The following CCDC15 variants were observed in gnomAD, a reference collection of about 807,000 sequenced individuals.
CCDC15 encodes coiled-coil domain-containing protein 15.
CCDC15 carries 105 observed loss-of-function variants against 114.5 expected under a neutral mutation model. The observed-to-expected ratio is 0.92, with a 90% CI of 0.78 to 1.08. The LOEUF (loss-of-function observed/expected upper bound fraction) is 1.08. Among genes scored for constraint, CCDC15 ranks in the 50% least tolerant of loss-of-function variants. The probability of loss-of-function intolerance (pLI) is 0.00; values close to 1 mark genes in which losing one functional copy is unlikely to be tolerated. For synonymous variants in CCDC15, 334 were observed against 377.8 expected, an observed-to-expected ratio of 0.88 and a Z score of 1.34; for missense variants, 1,105 against 1,093.6, an observed-to-expected ratio of 1.01 and a Z score of -0.15.
At chr11:124,979,247 T>A (rs1370223557) in intron 6 of CCDC15, among the ~76,000 whole-genome samples, 1 of 152,242 alleles carries the variant, frequency 6.6e-6, no homozygotes, top group Non-Finnish European at 1.5e-5. Flanking sequence ...CTTTGCTCTT[T>A]TTCTTAGAAT....
intron 12 of CCDC15, 31 bp from the exon 13 acceptor site, chr11:125,005,078 A>G: frequency 2.0e-6 from 2 of 986,510 alleles, no homozygotes; most frequent in Non-Finnish European, 1.5e-6. Context: ...CTGAAAGCAG[A>G]ATCTTAGTAA....
At chr11:124,974,224 G>A (rs1206141240) in intron 4 of CCDC15, among the ~76,000 whole-genome samples, 2 of 152,052 alleles carry the variant, frequency 1.3e-5, no homozygotes, top group Non-Finnish European at 2.9e-5. Context: ...CAGGTGATCC[G>A]CCTGCCTTGG....
At chr11:125,008,190 C>T (rs1046066232) in intron 13 of CCDC15, among the ~76,000 whole-genome samples, 8 of 151,976 alleles carry the variant, frequency 5.3e-5, no homozygotes, top group African/African-American at 1.7e-4. Context: ...TTTAGTTGTC[C>T]TTTGATTTCT....
At chr11:125,011,962 G>C (rs11219865) in intron 13 of CCDC15, among the ~76,000 whole-genome samples, 62,100 of 151,940 alleles carry the variant, frequency 0.41, 13,947 homozygotes, top group African/African-American at 0.6. Context: ...ATTTTGTACT[G>C]GAAGAATTTC....
intron 6 of CCDC15, among the ~76,000 whole-genome samples, chr11:124,984,826 G>A (rs946677863): frequency 6.6e-6 from 1 of 152,108 alleles, no homozygotes; most frequent in Admixed American, 6.5e-5. Context: ...CCCAGCATCT[G>A]TGTCTTCCCT....
At chr11:124,961,955 G>C (rs1277384253) in intron 4 of CCDC15, among the ~76,000 whole-genome samples, 1 of 152,158 alleles carries the variant, frequency 6.6e-6, no homozygotes, top group Non-Finnish European at 1.5e-5. Flanking sequence ...AACCAAAAAT[G>C]GGGTTGGATA....
chr11:125,027,968 C>G (rs1948715905), intron 13 of CCDC15, among the ~76,000 whole-genome samples: 1 of 152,066 alleles, frequency 6.6e-6, no homozygotes, highest in African/African-American at 2.4e-5. Flanking sequence ...GCCAGTTATT[C>G]CAACGCAATT....
chr11:124,976,547 G>A (rs893820082), intron 5 of CCDC15, among the ~76,000 whole-genome samples: 2 of 151,900 alleles, frequency 1.3e-5, no homozygotes, highest in African/African-American at 2.4e-5. Context: ...TCGTGGTTTG[G>A]TAGTACTATA....
At chr11:125,011,121 G>GA (rs942850693) in intron 13 of CCDC15, among the ~76,000 whole-genome samples, 72 of 148,424 alleles carry the variant, frequency 4.9e-4, no homozygotes, top group East Asian at 7.8e-4. Flanking sequence ...TCATCTTAAT[G>GA]AAAAAAAAAT....
At chr11:124,963,343 G>A (rs1488621282) in intron 4 of CCDC15, among the ~76,000 whole-genome samples, 2 of 152,208 alleles carry the variant, frequency 1.3e-5, no homozygotes, top group Non-Finnish European at 2.9e-5. Flanking sequence ...TCTAACTGGT[G>A]TGAGATGGTA....
intron 13 of CCDC15, among the ~76,000 whole-genome samples, chr11:125,012,764 A>G (rs1948602619): frequency 6.6e-6 from 1 of 152,224 alleles, no homozygotes; most frequent in Admixed American, 6.5e-5. Flanking sequence ...TATATTATCT[A>G]GTTTAGTACT....
rs77887026 is a variant in CCDC15 at position 125,021,208 on chromosome 11, C to T, written c.2411+15996C>T. On this transcript the variant is annotated intron_variant, in intron 13 of 15. Transcript: ENST00000344762. ...GAGAAGGATGGTCTAAAGAAGTATACGAGGAAATTCAGGGAAAGTATTGTG... is the reference window on the plus strand; with the variant it reads ...GAGAAGGATGGTCTAAAGAAGTATATGAGGAAATTCAGGGAAAGTATTGTG... Among the ~76,000 whole-genome samples, 692 of 151,656 alleles carry T rather than the reference C, an allele frequency of 4.6e-3. 5 individuals are homozygous for T. The highest frequency in any genetic ancestry group is 0.016 in the African/African-American group (656 of 41,396).
intron 13 of CCDC15, among the ~76,000 whole-genome samples, chr11:125,037,764 T>C (rs1948785584): frequency 6.6e-6 from 1 of 152,212 alleles, no homozygotes; most frequent in Non-Finnish European, 1.5e-5. Context: ...TTTGTTTGAT[T>C]TGTGTACTTT....
At chr11:124,996,141 C>T (rs1364448019) in intron 11 of CCDC15, among the ~76,000 whole-genome samples, 1 of 151,950 alleles carries the variant, frequency 6.6e-6, no homozygotes, top group East Asian at 1.9e-4. Flanking sequence ...ATCTTTTCAC[C>T]TTTTACGCTG....
At chr11:125,006,883 A>G (rs926357953) in intron 13 of CCDC15, among the ~76,000 whole-genome samples, 27 of 151,976 alleles carry the variant, frequency 1.8e-4, no homozygotes, top group African/African-American at 6.5e-4. Context: ...CCATTGATCT[A>G]TTTGTCTATT....
chr11:124,991,876 G>A (rs1948275687), intron 9 of CCDC15, among the ~76,000 whole-genome samples: 1 of 152,152 alleles, frequency 6.6e-6, no homozygotes, highest in Non-Finnish European at 1.5e-5. Context: ...TAGAGATGGG[G>A]TTTCAACATG....
chr11:124,985,124 G>GT (rs1948135282), intron 6 of CCDC15, among the ~76,000 whole-genome samples: 1 of 152,266 alleles, frequency 6.6e-6, no homozygotes, highest in East Asian at 1.9e-4. Context: ...TTTTGTGACT[G>GT]TTTTTTCTCT....
intron 13 of CCDC15, among the ~76,000 whole-genome samples, chr11:125,008,725 G>A (rs1445219075): frequency 6.6e-6 from 1 of 151,286 alleles, no homozygotes; most frequent in African/African-American, 2.4e-5. Flanking sequence ...ACAGAGTCTC[G>A]CTCCGTTGCT....
At chr11:125,025,603 T>C (rs1450209579) in intron 13 of CCDC15, among the ~76,000 whole-genome samples, 1 of 152,098 alleles carries the variant, frequency 6.6e-6, no homozygotes, top group Non-Finnish European at 1.5e-5. Context: ...GTCACTAATA[T>C]AGGGCCATTT....
Sources: allele counts gnomAD v4.1 joint callset (sites outside exome capture counted in the v4.1 genomes callset), GRCh38; gene constraint gnomAD v4.1.1; transcripts MANE v1.5; gene names NCBI Gene and HGNC (gene_info 2026-07-23, HGNC 2026-07-21).